Variants in POU6F2 observed in about 807,000 individuals in gnomAD.
POU6F2 encodes POU class 6 homeobox 2.
In POU6F2, 31 loss-of-function variants were observed where a neutral mutation model predicts 71.3. That is an observed-to-expected ratio of 0.43 (90% confidence interval 0.33 to 0.59). The LOEUF is 0.59. Among genes scored for constraint, POU6F2 ranks in the 20% least tolerant of loss-of-function variants. POU6F2 has a pLI of 0.04. For synonymous variants in POU6F2, 347 were observed against 355.7 expected, an observed-to-expected ratio of 0.98 and a Z score of 0.27; for missense variants, 783 against 856.8, an observed-to-expected ratio of 0.91 and a Z score of 1.07.
At chr7:39,091,037 CTG>C (rs1791355169) in intron 2 of POU6F2, among the ~76,000 whole-genome samples, 1 of 152,072 alleles carries the variant, frequency 6.6e-6, no homozygotes, top group South Asian at 2.1e-4. Flanking sequence ...CAGTGAGAGG[CTG>C]TGTGCATTTG....
At chr7:39,001,267 T>C (rs978251334) in intron 1 of POU6F2, among the ~76,000 whole-genome samples, 2 of 152,112 alleles carry the variant, frequency 1.3e-5, no homozygotes, top group Non-Finnish European at 2.9e-5. Flanking sequence ...GATTTTTTTT[T>C]TTGCATTGGG....
At position 39,317,407 on chromosome 7, in the gene POU6F2, T is replaced by C. The variant is rs188418823; in HGVS notation, c.599-22235T>C. On this transcript the variant is annotated intron_variant, in intron 4 of 9. Coordinates refer to ENST00000518318, the MANE Select transcript of POU6F2 (RefSeq NM_001370959.1). ...GGCTTGGAAGTCATCACTGGTTGCC[T>C]GGAACATAGTAGGCTCTCAATAAAT... Among the ~76,000 whole-genome samples, 4 of 152,342 alleles carry C rather than the reference T, an allele frequency of 2.6e-5. No homozygotes were observed. In the East Asian group the frequency reaches 7.7e-4, roughly 29 times the overall value.
intron 1 of POU6F2, among the ~76,000 whole-genome samples, chr7:39,081,130 TATATC>T (rs1373957395): frequency 6.6e-5 from 10 of 152,334 alleles, no homozygotes; most frequent in East Asian, 1.9e-4. Context: ...TAGTAAATCA[TATATC>T]ATATATGCTA....
intron 5 of POU6F2, among the ~76,000 whole-genome samples, chr7:39,385,099 C>G: frequency 6.6e-6 from 1 of 152,084 alleles, no homozygotes; most frequent in Non-Finnish European, 1.5e-5. Context: ...ATACAAACAC[C>G]AAAATCCATG....
intron 4 of POU6F2, among the ~76,000 whole-genome samples, chr7:39,321,881 T>TTA (rs983834469): frequency 2.7e-5 from 4 of 146,414 alleles, no homozygotes; most frequent in Admixed American, 6.8e-5. Context: ...TTGTATATAT[T>TTA]TATATATATA....
intron 5 of POU6F2, among the ~76,000 whole-genome samples, chr7:39,380,196 T>C (rs1786798522): frequency 6.6e-6 from 1 of 152,230 alleles, no homozygotes; most frequent in Non-Finnish European, 1.5e-5. Context: ...TTTTATTTGT[T>C]ATACTCTAAG....
intron 2 of POU6F2, among the ~76,000 whole-genome samples, chr7:39,199,333 A>T (rs1365139067): frequency 6.6e-6 from 1 of 152,194 alleles, no homozygotes; most frequent in Non-Finnish European, 1.5e-5. Context: ...TAAAAAGAGT[A>T]TATGTGTTTC....
intron 1 of POU6F2, among the ~76,000 whole-genome samples, chr7:39,017,861 C>T (rs1199925381): frequency 7.0e-6 from 1 of 143,876 alleles, no homozygotes; most frequent in African/African-American, 2.6e-5. Flanking sequence ...GGATTTTTTT[C>T]AGAATTATCC....
intron 7 of POU6F2, among the ~76,000 whole-genome samples, chr7:39,434,556 T>C (rs989448877): frequency 2.6e-5 from 4 of 151,816 alleles, no homozygotes; most frequent in African/African-American, 9.7e-5. Context: ...GTGATGATGA[T>C]TGTGATGGTG....
At chr7:39,340,120 G>A in intron 5 of POU6F2, 105 bp downstream of exon 5, 1 of 1,397,574 alleles carries the variant, frequency 7.2e-7, no homozygotes, top group Non-Finnish European at 9.5e-7. Context: ...TTAGCATCCA[G>A]TTCTGCAGCA....
intron 2 of POU6F2, among the ~76,000 whole-genome samples, chr7:39,161,502 C>A (rs370247527): frequency 2.6e-5 from 4 of 152,094 alleles, no homozygotes; most frequent in East Asian, 3.9e-4. Context: ...ATTAACCCTG[C>A]CAGGCAGATC....
chr7:39,311,335 C>T (rs1306717393), intron 4 of POU6F2, among the ~76,000 whole-genome samples: 1 of 151,978 alleles, frequency 6.6e-6, no homozygotes, highest in Admixed American at 6.6e-5. Flanking sequence ...TCAAAACTCT[C>T]CTGTGGTGAC....
At chr7:39,241,244 AG>A in intron 4 of POU6F2, among the ~76,000 whole-genome samples, 1 of 152,182 alleles carries the variant, frequency 6.6e-6, no homozygotes. Context: ...CTTAGAAAGA[AG>A]GAGGCAGAGG....
chr7:39,125,909 G>A (rs1001139401), intron 2 of POU6F2, among the ~76,000 whole-genome samples: 4 of 152,128 alleles, frequency 2.6e-5, no homozygotes, highest in Non-Finnish European at 4.4e-5. Flanking sequence ...AAGAAGTGGG[G>A]CATAAAGCAG....
chr7:39,044,175 C>CTGTG (rs1790246868), intron 1 of POU6F2, among the ~76,000 whole-genome samples: 1 of 151,926 alleles, frequency 6.6e-6, no homozygotes, highest in African/African-American at 2.4e-5. Flanking sequence ...TGTACTTAAG[C>CTGTG]TGTGACCCAT....
chr7:39,140,411 A>C (rs919422984), intron 2 of POU6F2, among the ~76,000 whole-genome samples: 3 of 152,236 alleles, frequency 2.0e-5, no homozygotes, highest in Admixed American at 6.5e-5. Flanking sequence ...TGAAAATAAC[A>C]GAAATTTATT....
chr7:39,234,920 A>G (rs1441154963), intron 4 of POU6F2, among the ~76,000 whole-genome samples: 3 of 152,174 alleles, frequency 2.0e-5, no homozygotes, highest in Non-Finnish European at 2.9e-5. Context: ...TCTCTTAGGC[A>G]TTCCTCCCTA....
intron 4 of POU6F2, among the ~76,000 whole-genome samples, chr7:39,224,158 C>T (rs1462243105): frequency 6.6e-6 from 1 of 152,072 alleles, no homozygotes; most frequent in African/African-American, 2.4e-5. Flanking sequence ...TGTACAAAAG[C>T]CCCTCAAAAT....
At chr7:39,035,760 CT>C (rs1381290937) in intron 1 of POU6F2, among the ~76,000 whole-genome samples, 1 of 151,814 alleles carries the variant, frequency 6.6e-6, no homozygotes, top group East Asian at 1.9e-4. Context: ...ACATTGCTCC[CT>C]AGCTTTTAAT....
Sources: gnomAD v4.1 joint callset for allele counts (sites outside exome capture counted in the v4.1 genomes callset) on GRCh38, gnomAD v4.1.1 for gene constraint, MANE v1.5 for transcripts, NCBI Gene and HGNC (gene_info 2026-07-23, HGNC 2026-07-21) for gene names.